Variants in MCTP2 observed in about 807,000 individuals in gnomAD.
The protein encoded by MCTP2 is multiple C2 and transmembrane domain containing 2, also known as multiple C2 and transmembrane domain-containing protein 2.
A neutral mutation model predicts 111.6 loss-of-function variants in MCTP2; 132 were observed. The observed-to-expected ratio is 1.18, with a 90% confidence interval of 1.03 to 1.37. The LOEUF (loss-of-function observed/expected upper bound fraction) is 1.37, where lower values mean the gene tolerates loss of function less well. Ranked by LOEUF, MCTP2 falls within the 40% of genes most tolerant of loss-of-function variation. The pLI is 0.00. For missense variants in MCTP2, 1,183 were observed against 1,067.9 expected, an observed-to-expected ratio of 1.11 and a Z score of -1.50; for synonymous variants, 395 against 387.7, an observed-to-expected ratio of 1.02 and a Z score of -0.22.
intron 12 of MCTP2, among the ~76,000 whole-genome samples, chr15:94,374,610 T>A (rs1185009353): frequency 6.6e-6 from 1 of 152,192 alleles, no homozygotes; most frequent in East Asian, 1.9e-4. Flanking sequence ...TTACTTAAGC[T>A]TTCTCTTTAT....
chr15:94,343,304 A>G (rs2077766359), intron 7 of MCTP2: 1 of 152,098 alleles, frequency 6.6e-6, no homozygotes, highest in African/African-American at 2.4e-5. Flanking sequence ...TGGGATTTTA[A>G]GTGGGAATAA....
intron 19 of MCTP2, among the ~76,000 whole-genome samples, chr15:94,457,679 G>A (rs1390277151): frequency 1.3e-5 from 2 of 152,190 alleles, no homozygotes; most frequent in Non-Finnish European, 2.9e-5. Context: ...AGCGGAGTTT[G>A]ACTAAGATGC....
chr15:94,470,436 A>G lies in MCTP2; in HGVS notation c.2464A>G (p.Ile822Val), dbSNP rs760187771. 2.5e-6 allele frequency: 4 copies of G among 1,604,872 alleles called. No homozygotes were observed. The highest frequency in any genetic ancestry group is 3.4e-6 in the Non-Finnish European group (4 of 1,171,586). ...CATTCCACTGCGGTACATCATTTTA[A>G]TCTGGGGTAAGTTTGGAATGGTCCT... is the stretch of plus-strand genomic sequence containing the variant. Reference protein sequence around the residue: ...YFIPLRYIILIWGINKFTKKL... With the variant: ...YFIPLRYIILVWGINKFTKKL... Residue 822 changes from isoleucine to valine, a missense_variant, in exon 21 of 23, where the codon ATC becomes GTC. By Grantham distance (29) the Ile-to-Val change is conservative. Transcript: ENST00000357742.
chr15:94,348,675 G>A (rs908200827), intron 8 of MCTP2, among the ~76,000 whole-genome samples: 2 of 150,868 alleles, frequency 1.3e-5, no homozygotes, highest in Non-Finnish European at 2.9e-5. Flanking sequence ...GAACTCACAT[G>A]TCTTATTTCT....
intron 7 of MCTP2, 48 bp from the exon 8 acceptor site, chr15:94,345,079 CCT>C: frequency 6.3e-7 from 1 of 1,596,766 alleles, no homozygotes. Context: ...ATTCTATCTT[CCT>C]CTGTTTTATT....
At chr15:94,455,094 T>C (rs1314429773) in intron 19 of MCTP2, among the ~76,000 whole-genome samples, 1 of 152,242 alleles carries the variant, frequency 6.6e-6, no homozygotes, top group Non-Finnish European at 1.5e-5. Context: ...AGTACTGGGA[T>C]TGCAGGCGTG....
chr15:94,264,158 A>T (rs1342507228), intron 1 of MCTP2, among the ~76,000 whole-genome samples: 2 of 152,104 alleles, frequency 1.3e-5, no homozygotes, highest in Non-Finnish European at 2.9e-5. Flanking sequence ...ACATTCTGTC[A>T]TATGTCCTGA....
At chr15:94,434,093 C>CT (rs145320801) in intron 17 of MCTP2, among the ~76,000 whole-genome samples, 8,828 of 149,168 alleles carry the variant, frequency 0.059, 311 homozygotes, top group East Asian at 0.15. Flanking sequence ...TTGATGAAGT[C>CT]TTTTTTTTTT....
chr15:94,339,667 A>C (rs1402373840), intron 5 of MCTP2, among the ~76,000 whole-genome samples: 2 of 152,180 alleles, frequency 1.3e-5, no homozygotes, highest in African/African-American at 4.8e-5. Flanking sequence ...AGTCTACCAA[A>C]TGTGGAAGAA....
At chr15:94,454,121 A>T in intron 19 of MCTP2, among the ~76,000 whole-genome samples, 1 of 152,238 alleles carries the variant, frequency 6.6e-6, no homozygotes, top group East Asian at 1.9e-4. Context: ...TTTACCTAAT[A>T]TATGAAAACA....
chr15:94,243,929 A>G (rs1050927078), intron 1 of MCTP2, among the ~76,000 whole-genome samples: 12 of 55,006 alleles, frequency 2.2e-4, no homozygotes, highest in Non-Finnish European at 3.8e-4. Flanking sequence ...ATTTACACAT[A>G]TGTGTACACA....
chr15:94,348,576 T>C (rs1439180750), intron 8 of MCTP2, among the ~76,000 whole-genome samples: 4 of 147,364 alleles, frequency 2.7e-5, no homozygotes, highest in African/African-American at 1.0e-4. Context: ...TAGTCATATA[T>C]CTTTGGGTTG....
At chr15:94,372,777 T>TAAA (rs140443074) in intron 12 of MCTP2, among the ~76,000 whole-genome samples, 1 of 148,364 alleles carries the variant, frequency 6.7e-6, no homozygotes, top group Non-Finnish European at 1.5e-5. Flanking sequence ...ACCCACAAAT[T>TAAA]AAAAAAAAAA....
At chr15:94,245,294 A>G (rs1277017658) in intron 1 of MCTP2, among the ~76,000 whole-genome samples, 1 of 142,686 alleles carries the variant, frequency 7.0e-6, no homozygotes, top group East Asian at 2.1e-4. Context: ...ACATATGTAT[A>G]TATTTATATA....
chr15:94,403,510 C>G (rs3784649), intron 17 of MCTP2, among the ~76,000 whole-genome samples: 7 of 152,146 alleles, frequency 4.6e-5, no homozygotes, highest in East Asian at 1.9e-4. Flanking sequence ...TCCTCTTTCT[C>G]GAGTTTAGTT....
intron 20 of MCTP2, among the ~76,000 whole-genome samples, chr15:94,459,890 CTACT>C (rs773750331): frequency 6.6e-6 from 1 of 152,156 alleles, no homozygotes; most frequent in Non-Finnish European, 1.5e-5. Context: ...CTTTGAGGAG[CTACT>C]TAAAGGAATA....
At chr15:94,332,769 A>G (rs745627975) in intron 4 of MCTP2, among the ~76,000 whole-genome samples, 17 of 152,358 alleles carry the variant, frequency 1.1e-4, no homozygotes, top group Non-Finnish European at 2.4e-4. Flanking sequence ...CTTTGCTGAT[A>G]GCAAATAAGT....
In MCTP2 at chr15:94,479,105, T is replaced by G. The variant is rs2074600525; in HGVS notation, c.*71T>G. The G allele has an allele frequency of 3.4e-6, 5 of 1,457,110 alleles. No individual in the cohort carries two copies. The Admixed American group carries it at 6.7e-5, about 20-fold the overall frequency. 90.3% of individuals were successfully genotyped at this position (1,457,110 alleles called of 1,614,324 possible). ...TGAGTAGACCAATGTTATGGCTGTT[T>G]CAGTGGTACCCAAGGTGTCCTTCTG... On this transcript the variant is annotated 3_prime_UTR_variant, in exon 23 of 23. Transcript: ENST00000357742.
At chr15:94,456,656 GTA>G (rs1225255820) in intron 19 of MCTP2, among the ~76,000 whole-genome samples, 1 of 152,194 alleles carries the variant, frequency 6.6e-6, no homozygotes, top group Non-Finnish European at 1.5e-5. Context: ...GGATAAAAAA[GTA>G]AAAGTATCTT....
Sources: allele counts gnomAD v4.1 joint callset (sites outside exome capture counted in the v4.1 genomes callset), GRCh38; gene constraint gnomAD v4.1.1; transcripts MANE v1.5; gene names NCBI Gene and HGNC (gene_info 2026-07-23, HGNC 2026-07-21).